The following EPHA6 variants were observed in gnomAD, a reference collection of about 807,000 sequenced individuals.
EPHA6 encodes EPH receptor A6, also known as ephrin type-A receptor 6.
In EPHA6, 50 loss-of-function variants were observed where a neutral mutation model predicts 112.0. That is an observed-to-expected ratio of 0.45 (90% confidence interval 0.36 to 0.56). The LOEUF is 0.56. Ranked by LOEUF, EPHA6 falls within the 20% of genes least tolerant of loss-of-function variation. EPHA6 has a pLI of 0.00. For missense variants in EPHA6, 1,280 were observed against 1,417.4 expected, an observed-to-expected ratio of 0.90 and a Z score of 1.56; for synonymous variants, 529 against 490.7, an observed-to-expected ratio of 1.08 and a Z score of -1.03.
chr3:97,324,462 T>TTTCC (rs1491587041), intron 5 of EPHA6, among the ~76,000 whole-genome samples: 1 of 148,690 alleles, frequency 6.7e-6, no homozygotes, highest in Non-Finnish European at 1.5e-5. Context: ...TCTTTCTTTC[T>TTTCC]TTCTTTCTTT....
chr3:97,747,416 C>T lies in EPHA6; in HGVS notation c.3129-7C>T. ...TCCATGTTTTGTTTTGTTTTGTTTT[C>T]TTACAGAATGCCAGAGTCCCCTGGT... is the stretch of plus-strand genomic sequence containing the variant. On this transcript the variant is annotated splice_region_variant and splice_polypyrimidine_tract_variant and intron_variant, in intron 16 of 17. Coordinates refer to ENST00000389672, the MANE Select transcript of EPHA6 (RefSeq NM_001080448.3). The T allele has an allele frequency of 6.6e-7, 1 of 1,521,444 alleles. No individual in the cohort carries two copies. The highest frequency in any genetic ancestry group is 8.8e-7 in the Non-Finnish European group (1 of 1,134,084). 94.2% of individuals were successfully genotyped at this position (1,521,444 alleles called of 1,614,324 possible).
chr3:97,641,654 T>A (rs2094006113), intron 14 of EPHA6, among the ~76,000 whole-genome samples: 1 of 152,172 alleles, frequency 6.6e-6, no homozygotes, highest in Non-Finnish European at 1.5e-5. Context: ...CGGAGTTCCC[T>A]TTCTGAGTCA....
At chr3:96,999,097 A>T (rs527831839) in intron 3 of EPHA6, among the ~76,000 whole-genome samples, 1 of 152,036 alleles carries the variant, frequency 6.6e-6, no homozygotes, top group East Asian at 1.9e-4. Flanking sequence ...GGATCAAATT[A>T]ATCTGATTAT....
At chr3:97,717,815 T>G (rs1037396508) in intron 14 of EPHA6, among the ~76,000 whole-genome samples, 1 of 152,218 alleles carries the variant, frequency 6.6e-6, no homozygotes, top group Non-Finnish European at 1.5e-5. Flanking sequence ...TGAAGGAAAG[T>G]GATAACGTTG....
intron 14 of EPHA6, among the ~76,000 whole-genome samples, chr3:97,662,428 G>C (rs1274494458): frequency 6.6e-6 from 1 of 152,126 alleles, no homozygotes; most frequent in Non-Finnish European, 1.5e-5. Context: ...CGTAGGCCCA[G>C]TCACAGACCC....
intron 1 of EPHA6, among the ~76,000 whole-genome samples, chr3:96,856,869 T>A (rs953988048): frequency 2.0e-5 from 3 of 152,120 alleles, no homozygotes; most frequent in African/African-American, 7.2e-5. Flanking sequence ...AGTGAATAAG[T>A]CAATCTCATT....
At chr3:96,850,751 A>G (rs1488040511) in intron 1 of EPHA6, among the ~76,000 whole-genome samples, 1 of 152,158 alleles carries the variant, frequency 6.6e-6, no homozygotes, top group Non-Finnish European at 1.5e-5. Context: ...CTAGAGCTAA[A>G]TAGTCTAAAT....
intron 5 of EPHA6, among the ~76,000 whole-genome samples, chr3:97,319,484 A>G (rs2081999005): frequency 6.6e-6 from 1 of 151,510 alleles, no homozygotes; most frequent in Non-Finnish European, 1.5e-5. Flanking sequence ...CCTGACCAAC[A>G]TGGTGAAAAC....
chr3:96,846,343 G>A (rs1022194529), intron 1 of EPHA6, among the ~76,000 whole-genome samples: 2 of 152,036 alleles, frequency 1.3e-5, no homozygotes, highest in Non-Finnish European at 2.9e-5. Context: ...AAGATAAAAT[G>A]TATGAAACAT....
chr3:97,065,877 A>AT (rs1028561843), intron 3 of EPHA6, among the ~76,000 whole-genome samples: 10 of 151,984 alleles, frequency 6.6e-5, no homozygotes, highest in African/African-American at 9.7e-5. Context: ...AAGCAACTTG[A>AT]TTTTTTTAAA....
At chr3:97,498,217 A>G (rs2092027956) in intron 10 of EPHA6, among the ~76,000 whole-genome samples, 1 of 151,814 alleles carries the variant, frequency 6.6e-6, no homozygotes, top group Admixed American at 6.6e-5. Context: ...ATGAACTTAG[A>G]TTATAACTGA....
intron 8 of EPHA6, among the ~76,000 whole-genome samples, chr3:97,477,533 G>T (rs763990364): frequency 4.1e-4 from 62 of 151,508 alleles, no homozygotes; most frequent in Admixed American, 6.6e-5. Context: ...TTCAGTGAGG[G>T]TTAATGGCGC....
At chr3:97,171,556 G>C (rs1313775012) in intron 3 of EPHA6, among the ~76,000 whole-genome samples, 1 of 152,102 alleles carries the variant, frequency 6.6e-6, no homozygotes, top group East Asian at 1.9e-4. Flanking sequence ...AACCATCTTA[G>C]AAGTGACATG....
intron 13 of EPHA6, among the ~76,000 whole-genome samples, chr3:97,625,768 T>C (rs949261347): frequency 6.6e-6 from 1 of 151,782 alleles, no homozygotes; most frequent in African/African-American, 2.4e-5. Context: ...ATTTGGACTA[T>C]GTATACACTG....
Position 97,748,794 on chromosome 3 carries a change from C to T in EPHA6, c.*93C>T. 1 of 726,812 alleles carries T rather than the reference C, an allele frequency of 1.4e-6. No individual in the cohort carries two copies. The highest frequency in any genetic ancestry group is 2.5e-6 in the Non-Finnish European group (1 of 403,512). The allele number at this position is 726,812 out of a possible 1,614,324, so 45.0% of individuals were successfully genotyped here. ...CTCTCTTCTGATTCTCCAAACATCA[C>T]TTCACAAACTGCAGTCTTCTGTTCA... On this transcript the variant is annotated 3_prime_UTR_variant, in exon 18 of 18. Coordinates refer to ENST00000389672, the MANE Select transcript of EPHA6 (RefSeq NM_001080448.3).
In EPHA6 at chr3:96,928,417, T is replaced by C. The variant is rs550911677; in HGVS notation, c.451-58913T>C. ...TCAGGAGCAGGTTGTTCAATTTGCA[T>C]GTAGTTGTGTGGTTTTGAGTGAGTT... On this transcript the variant is annotated intron_variant, in intron 2 of 17. Transcript: ENST00000389672. 9.8e-5 allele frequency among the ~76,000 whole-genome samples: 15 copies of C among 152,320 alleles called. 1 individual carries two copies. The highest frequency in any genetic ancestry group is 9.1e-4 in the Admixed American group (14 of 15,306).
At chr3:97,388,126 A>G (rs1021263730) in intron 5 of EPHA6, among the ~76,000 whole-genome samples, 11 of 152,182 alleles carry the variant, frequency 7.2e-5, no homozygotes, top group African/African-American at 2.7e-4. Context: ...TGAGATTTGT[A>G]TGTGTACATA....
chr3:97,386,468 G>T (rs530086936), intron 5 of EPHA6, among the ~76,000 whole-genome samples: 2 of 152,322 alleles, frequency 1.3e-5, no homozygotes, highest in East Asian at 3.9e-4. Flanking sequence ...AAACCTCAAA[G>T]TTCTAAAATG....
At chr3:97,135,885 C>G (rs1473838098) in intron 3 of EPHA6, among the ~76,000 whole-genome samples, 2 of 151,780 alleles carry the variant, frequency 1.3e-5, no homozygotes, top group Non-Finnish European at 2.9e-5. Context: ...CACGCACCAG[C>G]AAGTTAAAAC....
Sources: allele counts gnomAD v4.1 joint callset (sites outside exome capture counted in the v4.1 genomes callset), GRCh38; gene constraint gnomAD v4.1.1; transcripts MANE v1.5; gene names NCBI Gene and HGNC (gene_info 2026-07-23, HGNC 2026-07-21).